The following TULP3 variants were observed in gnomAD, a reference collection of about 807,000 sequenced individuals.
TULP3 encodes tubby-related protein 3.
In TULP3, 38 loss-of-function variants were observed where a neutral mutation model predicts 50.7. That is an observed-to-expected ratio of 0.75 (90% confidence interval 0.58 to 0.98). The LOEUF is 0.98. Among genes scored for constraint, TULP3 ranks in the 50% least tolerant of loss-of-function variants. The probability of loss-of-function intolerance (pLI) is 0.00; values close to 1 mark genes in which losing one functional copy is unlikely to be tolerated. For synonymous variants in TULP3, 183 were observed against 196.6 expected (o/e 0.93, Z 0.58); for missense variants, 550 against 568.0 (o/e 0.97, Z 0.32).
At chr12:2,923,707 C>T (rs371610055) in intron 4 of TULP3, among the ~76,000 whole-genome samples, 97 of 151,338 alleles carry the variant, frequency 6.4e-4, no homozygotes, top group African/African-American at 2.2e-3. Context: ...CATGGTGGCT[C>T]ATGCCTATAA....
intron 1 of TULP3, among the ~76,000 whole-genome samples, chr12:2,907,159 A>G (rs1054205305): frequency 6.6e-6 from 1 of 151,794 alleles, no homozygotes; most frequent in Non-Finnish European, 1.5e-5. Flanking sequence ...CCAACATGGC[A>G]AAACCCCATC....
Position 2,940,419 on chromosome 12 carries a change from TCTC to T in TULP3, c.*976_*978del. 1 of 1,463,612 alleles carries T rather than the reference TCTC, an allele frequency of 6.8e-7. No individual in the cohort carries two copies. Among genetic ancestry groups the T allele is most frequent in the Non-Finnish European group, 9.0e-7 (1 of 1,109,584 alleles). The allele number at this position is 1,463,612 out of a possible 1,614,324, so 90.7% of individuals were successfully genotyped here. A position where few individuals can be genotyped will look rare whatever the true frequency, so the allele number is the denominator to read the frequency against. ...CGTGTGGCAGAGCTGTGGACTTTCTTCTCGGCTCCCTCAACCCTGGCTCAGGCA... is the reference window on the plus strand; with the variant it reads ...CGTGTGGCAGAGCTGTGGACTTTCTTGGCTCCCTCAACCCTGGCTCAGGCA... On this transcript the variant is annotated 3_prime_UTR_variant, in exon 11 of 11. Coordinates refer to ENST00000448120, the MANE Select transcript of TULP3 (RefSeq NM_003324.5).
intron 8 of TULP3, among the ~76,000 whole-genome samples, chr12:2,936,621 G>A (rs575681508): frequency 1.1e-4 from 16 of 150,600 alleles, no homozygotes; most frequent in African/African-American, 3.2e-4. Flanking sequence ...GTGTGGTGGC[G>A]CATGCCTATA....
chr12:2,915,676 C>G (rs1168085451), intron 2 of TULP3, among the ~76,000 whole-genome samples: 1 of 151,980 alleles, frequency 6.6e-6, no homozygotes, highest in Non-Finnish European at 1.5e-5. Context: ...TTCTGAGTAG[C>G]TGGGACTACA....
chr12:2,923,410 T>C (rs2098192896), intron 4 of TULP3, among the ~76,000 whole-genome samples: 1 of 152,092 alleles, frequency 6.6e-6, no homozygotes, highest in Non-Finnish European at 1.5e-5. Flanking sequence ...ATTCCAGCAC[T>C]TTGGGAGGCC....
In TULP3 at chr12:2,933,450, G is replaced by T; in HGVS notation, c.729G>T (p.Lys243Asn). The part of the protein sequence containing the change: ...IFLLAARKRK[K>N]SKTANYLISI... ...TTCTTGCAGCTAGAAAGCGGAAAAA[G>T]AGCAAAACAGCCAACTACCTTATCT... Residue 243 changes from lysine (K) to asparagine (N), a missense_variant, in exon 7 of 11, where the codon AAG becomes AAT. Lys to Asn is a moderately conservative substitution (Grantham distance 94, BLOSUM62 0). Transcript: ENST00000448120. The T allele has an allele frequency of 6.2e-7, 1 of 1,613,880 alleles. No individual in the cohort carries two copies. Among genetic ancestry groups the T allele is most frequent in the Non-Finnish European group, 8.5e-7 (1 of 1,179,936 alleles).
Position 2,940,702 on chromosome 12 carries a change from T to C in TULP3, c.*1258T>C. 1 of 1,551,388 alleles carries C rather than the reference T, an allele frequency of 6.4e-7. No homozygotes were observed. Reference sequence around the variant, plus strand: ...ACCTCTCACCTCCGCCTGTTGTTCCTGCACCACATCAGATAAGCATGTGAA... The same window carrying C: ...ACCTCTCACCTCCGCCTGTTGTTCCCGCACCACATCAGATAAGCATGTGAA... On this transcript the variant is annotated 3_prime_UTR_variant, in exon 11 of 11. Transcript: ENST00000448120.
chr12:2,891,633 G>T (rs568009627), intron 1 of TULP3, among the ~76,000 whole-genome samples: 1 of 152,294 alleles, frequency 6.6e-6, no homozygotes, highest in East Asian at 1.9e-4. Flanking sequence ...TCACTTTCTT[G>T]TTCGCTAGGT....
Position 2,938,179 on chromosome 12 carries a change from C to G in TULP3, c.1089C>G (p.Asn363Lys). The G allele has an allele frequency of 6.2e-7, 1 of 1,614,200 alleles. No individual in the cohort carries two copies. Reference sequence around the variant, plus strand: ...TGGAAAATCTGGTTGAGCTGCACAACAAGGCCCCCGTCTGGAACAGTGACA... The same window carrying G: ...TGGAAAATCTGGTTGAGCTGCACAAGAAGGCCCCCGTCTGGAACAGTGACA... Reference protein sequence around the residue: ...RTMENLVELHNKAPVWNSDTQ... With the variant: ...RTMENLVELHKKAPVWNSDTQ... The change falls in exon 10 of 11, where the codon AAC becomes AAG. Residue 363 changes from asparagine (N) to lysine (K), a missense_variant. Transcript: ENST00000448120.
chr12:2,914,583 T>C (rs139098207), intron 2 of TULP3, among the ~76,000 whole-genome samples: 201 of 152,378 alleles, frequency 1.3e-3, no homozygotes, highest in African/African-American at 4.7e-3. Context: ...TTTATCGAAA[T>C]ACTTTCCTGT....
At chr12:2,891,835 C>G (rs1438017933) in intron 1 of TULP3, among the ~76,000 whole-genome samples, 1 of 152,070 alleles carries the variant, frequency 6.6e-6, no homozygotes, top group Non-Finnish European at 1.5e-5. Flanking sequence ...AGGAGGATCG[C>G]TTGGTCTCAG....
chr12:2,918,632 C>T (rs1331913347), intron 2 of TULP3, among the ~76,000 whole-genome samples: 2 of 152,142 alleles, frequency 1.3e-5, no homozygotes, highest in African/African-American at 2.4e-5. Context: ...CCTCCGCCTC[C>T]CAGGCTCAAG....
chr12:2,906,556 T>C (rs188191765), intron 1 of TULP3, among the ~76,000 whole-genome samples: 1,755 of 151,022 alleles, frequency 0.012, 36 homozygotes, highest in African/African-American at 0.04. Context: ...CTCGAACTTC[T>C]GGGCTCAGGC....
intron 8 of TULP3, among the ~76,000 whole-genome samples, chr12:2,937,415 C>T (rs560052684): frequency 9.2e-4 from 139 of 151,568 alleles, no homozygotes; most frequent in Middle Eastern, 3.4e-3. Flanking sequence ...CAGGGTTTCA[C>T]CATGTTGGCC....
intron 2 of TULP3, among the ~76,000 whole-genome samples, chr12:2,911,356 A>AT (rs879759940): frequency 2.4e-3 from 339 of 144,172 alleles, no homozygotes; most frequent in South Asian, 7.4e-3. Context: ...TAGTCAGTGA[A>AT]TTTTTTTTTT....
At chr12:2,901,522 C>G (rs2098179284) in intron 1 of TULP3, among the ~76,000 whole-genome samples, 1 of 151,896 alleles carries the variant, frequency 6.6e-6, no homozygotes, top group Non-Finnish European at 1.5e-5. Context: ...GCCAGGAATA[C>G]AGGCAAGCAC....
intron 5 of TULP3, 99 bp from the exon 6 acceptor site, chr12:2,930,938 G>T: frequency 7.8e-7 from 1 of 1,288,616 alleles, no homozygotes; most frequent in South Asian, 1.2e-5. Flanking sequence ...CTGAAGACAC[G>T]GGTAAATTAC....
intron 1 of TULP3, among the ~76,000 whole-genome samples, chr12:2,894,538 AAC>A (rs56834874): frequency 0.68 from 99,960 of 147,588 alleles, 34,090 homozygotes; most frequent in South Asian, 0.76. Context: ...CCGTCTCAAA[AAC>A]ACACACACAC....
intron 1 of TULP3, among the ~76,000 whole-genome samples, chr12:2,900,507 C>T (rs1346598835): frequency 6.6e-6 from 1 of 152,120 alleles, no homozygotes; most frequent in Non-Finnish European, 1.5e-5. Flanking sequence ...AGGGAGATGG[C>T]AAGCTTTCCT....
Sources: allele counts gnomAD v4.1 joint callset (sites outside exome capture counted in the v4.1 genomes callset), GRCh38; gene constraint gnomAD v4.1.1; transcripts MANE v1.5; gene names NCBI Gene and HGNC (gene_info 2026-07-23, HGNC 2026-07-21).